The following LRFN5 variants were observed in gnomAD, a reference collection of about 807,000 sequenced individuals.
LRFN5 encodes the protein leucine rich repeat and fibronectin type III domain containing 5.
In LRFN5, 24 loss-of-function variants were observed where a neutral mutation model predicts 45.6. That is an observed-to-expected ratio of 0.53 (90% CI 0.38 to 0.74). The LOEUF is 0.74. Ranked by LOEUF, LRFN5 falls within the 30% of genes least tolerant of loss-of-function variation. LRFN5 has a pLI of 0.00. For missense variants in LRFN5, 776 were observed against 861.5 expected, an observed-to-expected ratio of 0.90 and a Z score of 1.24; for synonymous variants, 340 against 313.8, an observed-to-expected ratio of 1.08 and a Z score of -0.88.
In LRFN5 at chr14:41,739,971, T is replaced by C. The variant is rs578222083; in HGVS notation, c.-196-26883T>C. On this transcript the variant is annotated intron_variant, in intron 1 of 5. Transcript: ENST00000298119. ...AGAAAAAATAAAATTCCTAGAAACA[T>C]GTAATGTACCATGACAAATAAAAAA... Among the ~76,000 whole-genome samples the C allele has an allele frequency of 4.6e-5, 7 of 151,872 alleles. No homozygotes were observed. The South Asian group carries it at 8.3e-4, about 18-fold the overall frequency.
intron 1 of LRFN5, among the ~76,000 whole-genome samples, chr14:41,744,982 CAGAAGATA>C (rs1420677218): frequency 6.6e-6 from 1 of 151,956 alleles, no homozygotes. Context: ...CAACTATAAA[CAGAAGATA>C]AGAAGATAGA....
At chr14:41,781,680 AAG>A (rs1395221777) in intron 2 of LRFN5, among the ~76,000 whole-genome samples, 10 of 151,136 alleles carry the variant, frequency 6.6e-5, no homozygotes, top group South Asian at 2.1e-4. Context: ...GAAAGAAAGA[AAG>A]AGAAAGAAAG....
intron 2 of LRFN5, among the ~76,000 whole-genome samples, chr14:41,813,220 A>AG (rs1211152082): frequency 6.6e-6 from 1 of 152,098 alleles, no homozygotes; most frequent in African/African-American, 2.4e-5. Flanking sequence ...ATTACAGTTT[A>AG]AGTTCTGGGA....
At chr14:41,828,859 T>TA (rs889553250) in intron 2 of LRFN5, among the ~76,000 whole-genome samples, 23 of 152,092 alleles carry the variant, frequency 1.5e-4, no homozygotes, top group Admixed American at 1.3e-3. Flanking sequence ...ATGACCTCTC[T>TA]AGACTTACCT....
At chr14:41,819,126 C>T (rs982905259) in intron 2 of LRFN5, among the ~76,000 whole-genome samples, 11 of 152,042 alleles carry the variant, frequency 7.2e-5, no homozygotes, top group African/African-American at 2.7e-4. Context: ...ACATTTTAAT[C>T]GAATTATCCA....
At chr14:41,896,552 A>G (rs945684407) in intron 4 of LRFN5, among the ~76,000 whole-genome samples, 1 of 152,172 alleles carries the variant, frequency 6.6e-6, no homozygotes, top group Non-Finnish European at 1.5e-5. Flanking sequence ...GTGATATTTA[A>G]GTAAATTTAT....
chr14:41,764,357 AATTTTTTT>A (rs1421016798), intron 1 of LRFN5, among the ~76,000 whole-genome samples: 2 of 152,154 alleles, frequency 1.3e-5, no homozygotes, highest in African/African-American at 4.8e-5. Context: ...TTCTTAAGAG[AATTTTTTT>A]AAGTTAACAC....
At chr14:41,730,070 T>C (rs73309193) in intron 1 of LRFN5, among the ~76,000 whole-genome samples, 6,822 of 152,094 alleles carry the variant, frequency 0.045, 340 homozygotes, top group African/African-American at 0.12. Flanking sequence ...CAAAATTCTG[T>C]TTCTGGTATT....
At chr14:41,633,772 TA>T (rs879422546) in intron 1 of LRFN5, among the ~76,000 whole-genome samples, 1 of 152,142 alleles carries the variant, frequency 6.6e-6, no homozygotes, top group African/African-American at 2.4e-5. Flanking sequence ...AAAAACAGTA[TA>T]AAATAAAACT....
At chr14:41,688,805 C>CATAA (rs1041287269) in intron 1 of LRFN5, among the ~76,000 whole-genome samples, 5 of 150,734 alleles carry the variant, frequency 3.3e-5, no homozygotes, top group African/African-American at 1.2e-4. Context: ...AGCACAGTGA[C>CATAA]TTATGTCTGA....
At chr14:41,731,262 G>C (rs1181504908) in intron 1 of LRFN5, 1 of 150,572 alleles carries the variant, frequency 6.6e-6, no homozygotes, top group Non-Finnish European at 1.5e-5. Context: ...TGAATTTACG[G>C]GATCTTTTTT....
chr14:41,746,265 CAATT>C (rs1248578989), intron 1 of LRFN5, among the ~76,000 whole-genome samples: 1 of 151,970 alleles, frequency 6.6e-6, no homozygotes, highest in Non-Finnish European at 1.5e-5. Flanking sequence ...ACGATTATCT[CAATT>C]AATGCCAAGA....
chr14:41,878,863 T>C (rs1890276913), intron 2 of LRFN5, among the ~76,000 whole-genome samples: 1 of 152,068 alleles, frequency 6.6e-6, no homozygotes, highest in Admixed American at 6.5e-5. Context: ...TTAAAAGTGG[T>C]TATGTGTTAA....
intron 2 of LRFN5, among the ~76,000 whole-genome samples, chr14:41,844,392 T>A (rs574760175): frequency 1.1e-4 from 17 of 150,904 alleles, no homozygotes; most frequent in Middle Eastern, 3.4e-3. Context: ...AGCGGAGATC[T>A]TGCCACCACA....
At chr14:41,803,236 G>A (rs962836685) in intron 2 of LRFN5, among the ~76,000 whole-genome samples, 2 of 152,086 alleles carry the variant, frequency 1.3e-5, no homozygotes, top group Admixed American at 6.6e-5. Flanking sequence ...ATAGCCAATG[G>A]ATGTGCAGTT....
intron 1 of LRFN5, among the ~76,000 whole-genome samples, chr14:41,713,341 C>A (rs1223243437): frequency 1.3e-5 from 2 of 151,836 alleles, no homozygotes; most frequent in African/African-American, 4.8e-5. Context: ...TGTGTGCAAA[C>A]CATGGAAAGC....
In LRFN5 at chr14:41,887,526, G is replaced by T; in HGVS notation, c.901G>T (p.Gly301Ter). 6.2e-7 allele frequency: 1 copy of T among 1,614,150 alleles called. No individual in the cohort carries two copies. Among genetic ancestry groups the T allele is most frequent in the Non-Finnish European group, 8.5e-7 (1 of 1,180,026 alleles). ...TACACATGAGATGAGAGTCCTGGAG[G>T]GACAAAGGGCAACACTGAGGTGCAA... is the stretch of plus-strand genomic sequence containing the variant. ...RHTHEMRVLE[G>*]QRATLRCKAR... Residue 301 changes from glycine to a stop codon, truncating the protein, a stop_gained, in exon 3 of 6, where the codon GGA (glycine) becomes TGA (stop). Coordinates refer to ENST00000298119, the MANE Select transcript of LRFN5 (RefSeq NM_152447.5). LOFTEE classifies it high-confidence loss of function. This position sits in a 1 kb window ranked among gnomAD's most constrained non-coding sequence, Gnocchi z 4.8.
At chr14:41,675,148 G>A (rs371804919) in intron 1 of LRFN5, among the ~76,000 whole-genome samples, 2 of 150,764 alleles carry the variant, frequency 1.3e-5, no homozygotes, top group South Asian at 2.1e-4. Context: ...GGCTCCTCAC[G>A]TCCCAGACGA....
chr14:41,735,707 C>A (rs559205678), intron 1 of LRFN5, among the ~76,000 whole-genome samples: 14 of 152,170 alleles, frequency 9.2e-5, no homozygotes, highest in African/African-American at 3.4e-4. Context: ...CTGTATCTAT[C>A]AACCCTTCAT....
Sources: gnomAD v4.1 joint callset for allele counts (sites outside exome capture counted in the v4.1 genomes callset) on GRCh38, gnomAD v4.1.1 for gene constraint, Gnocchi (gnomAD v3.1) non-coding constraint, MANE v1.5 for transcripts, NCBI Gene and HGNC (gene_info 2026-07-23, HGNC 2026-07-21) for gene names.